Variants in TIAL1 observed in about 807,000 individuals in gnomAD.
TIAL1 encodes nucleolysin TIAR.
Under a neutral mutation model 59.7 loss-of-function variants are expected in TIAL1, and 7 were observed. The observed-to-expected ratio is 0.12, with a 90% confidence interval of 0.07 to 0.22. The LOEUF (loss-of-function observed/expected upper bound fraction) is 0.22. Among genes scored for constraint, TIAL1 ranks in the 10% least tolerant of loss-of-function variants. The probability of loss-of-function intolerance (pLI) is 1.00; values close to 1 mark genes in which losing one functional copy is unlikely to be tolerated. For missense variants in TIAL1, 225 were observed against 462.5 expected (o/e 0.49, Z 4.71); for synonymous variants, 149 against 146.3 (o/e 1.02, Z -0.13).
At chr10:119,580,936 C>A in intron 5 of TIAL1, 1 of 564,268 alleles carries the variant, frequency 1.8e-6, no homozygotes, top group Admixed American at 4.6e-5. Context: ...GATTGAAAAA[C>A]AGCAACCTGT....
intron 2 of TIAL1, 46 bp downstream of exon 2, chr10:119,588,106 A>G: frequency 8.7e-7 from 1 of 1,151,824 alleles, no homozygotes; most frequent in Non-Finnish European, 1.2e-6. Context: ...CATGCTAATC[A>G]ACCCATCATG....
At chr10:119,586,786 CCTCTGCCTCCAGCTCTTACCATAGATA>C (rs993133740) in intron 2 of TIAL1, among the ~76,000 whole-genome samples, 1 of 152,218 alleles carries the variant, frequency 6.6e-6, no homozygotes, top group African/African-American at 2.4e-5. Context: ...TTTGCTGTTT[CCTCTGCCTCCAGCTCTTACCATAGATA>C]GCACCATCTT....
chr10:119,581,718 G>A (rs1845316518), intron 5 of TIAL1: 1 of 445,470 alleles, frequency 2.2e-6, no homozygotes, highest in South Asian at 4.7e-5. Flanking sequence ...AGGATTAGAT[G>A]AAAACGAGAC....
chr10:119,588,219 G>C lies in TIAL1; in HGVS notation c.62C>G (p.Thr21Arg). Residue 21 changes from threonine to arginine, a missense_variant, in exon 2 of 12, where the codon ACA (threonine) becomes AGA (arginine). Physicochemically the swap from Thr to Arg is moderately conservative, Grantham distance 71. Coordinates refer to ENST00000436547, the MANE Select transcript of TIAL1 (RefSeq NM_003252.4). ...LYVGNLSRDVTEVLILQLFSQ... is the reference protein window; with the variant it reads ...LYVGNLSRDVREVLILQLFSQ... The stretch of plus-strand genomic sequence containing the variant: ...GAACAACTGAAGTATAAGGACTTCT[G>C]TCACATCTCTGGAAAGGTTACCTAC... 2 of 1,590,494 alleles carry C rather than the reference G, an allele frequency of 1.3e-6. No homozygotes were observed. The highest frequency in any genetic ancestry group is 8.6e-7 in the Non-Finnish European group (1 of 1,166,618).
In TIAL1 at chr10:119,596,437, G is replaced by A; in HGVS notation, c.29C>T (p.Thr10Ile). MMEDDGQPR[T>I]LYVGNLSRDV... is the part of the protein sequence containing the mutation. The stretch of plus-strand genomic sequence containing the variant: ...ACCCCTCGTCTCGGGTACTCACAGA[G>A]TCCGGGGCTGCCCGTCGTCTTCCAT... The change falls in exon 1 of 12, where the codon ACT (threonine) becomes ATT (isoleucine). Residue 10 changes from threonine to isoleucine, a missense_variant. Thr to Ile is a moderately conservative substitution (Grantham distance 89). Transcript: ENST00000436547. 6.2e-7 allele frequency: 1 copy of A among 1,611,092 alleles called. No individual in the cohort carries two copies. Among genetic ancestry groups the A allele is most frequent in the Non-Finnish European group, 8.5e-7 (1 of 1,179,468 alleles).
At position 119,588,138 on chromosome 10, in the gene TIAL1, T is replaced by C. The variant is rs953454899; in HGVS notation, c.129+14A>G. ...CATGCTAATTGTCAGCACATGGAAC[T>C]GGGAAGATCTTACCTCTGTTATCAT... is the stretch of plus-strand genomic sequence containing the variant. On this transcript the variant is annotated intron_variant, in intron 2 of 11. Coordinates refer to ENST00000436547, the MANE Select transcript of TIAL1 (RefSeq NM_003252.4). 2.0e-6 allele frequency: 3 copies of C among 1,487,554 alleles called. No individual in the cohort carries two copies. The highest frequency in any genetic ancestry group is 2.8e-5 in the African/African-American group (2 of 70,694). The allele number at this position is 1,487,554 out of a possible 1,614,324, so 92.1% of individuals were successfully genotyped here. A position where few individuals can be genotyped will look rare whatever the true frequency, so the allele number is the denominator to read the frequency against.
chr10:119,576,511 C>G, intron 11 of TIAL1, 100 bp downstream of exon 11: 1 of 1,450,772 alleles, frequency 6.9e-7, no homozygotes, highest in South Asian at 1.4e-5. Context: ...CCAAATAGCT[C>G]AATGTATATA....
intron 2 of TIAL1, among the ~76,000 whole-genome samples, chr10:119,586,805 C>A (rs953877559): frequency 2.6e-5 from 4 of 152,190 alleles, no homozygotes; most frequent in African/African-American, 9.7e-5. Context: ...CCAGCTCTTA[C>A]CATAGATAGC....
At position 119,596,404 on chromosome 10, in the gene TIAL1, C is replaced by T. The variant is rs776221491; in HGVS notation, c.32+30G>A. On this transcript the variant is annotated intron_variant, in intron 1 of 11. Transcript: ENST00000436547. The stretch of plus-strand genomic sequence containing the variant: ...GTCCCGCGGTGCCCGGGCCTCTTGG[C>T]GCCTGGCACCCCTCGTCTCGGGTAC... The T allele has an allele frequency of 1.2e-5, 19 of 1,610,720 alleles. No individual in the cohort carries two copies. In the Middle Eastern group the frequency reaches 6.6e-4, roughly 56 times the overall value.
Position 119,577,701 on chromosome 10 carries a change from T to C in TIAL1, c.592A>G (p.Asn198Asp). Residue 198 changes from asparagine to aspartate, a missense_variant, in exon 8 of 12, where the codon AAC becomes GAC. Asn to Asp is a conservative substitution (Grantham distance 23, BLOSUM62 1). Transcript: ENST00000436547. Reference sequence around the variant, plus strand: ...GTACAATTTTTTGGACTTGACTGGTTTACTACATCTTCAAATCTCAACTGC... The same window carrying C: ...GTACAATTTTTTGGACTTGACTGGTCTACTACATCTTCAAATCTCAACTGC... ...TKQLRFEDVV[N>D]QSSPKNCTVY... The C allele has an allele frequency of 6.2e-7, 1 of 1,614,188 alleles. No homozygotes were observed. Among genetic ancestry groups the C allele is most frequent in the Non-Finnish European group, 8.5e-7 (1 of 1,180,012 alleles).
At chr10:119,586,131 A>G (rs531254835) in intron 2 of TIAL1, among the ~76,000 whole-genome samples, 20 of 152,256 alleles carry the variant, frequency 1.3e-4, no homozygotes, top group South Asian at 8.3e-4. Context: ...ACTTTATCCA[A>G]CTGCCTAATC....
At chr10:119,594,278 G>A (rs566050251) in intron 1 of TIAL1, among the ~76,000 whole-genome samples, 4 of 152,156 alleles carry the variant, frequency 2.6e-5, no homozygotes, top group Admixed American at 2.0e-4. Context: ...AAGGAAATAA[G>A]TGACAAAGAA....
At chr10:119,588,913 T>C (rs1845711175) in intron 1 of TIAL1, among the ~76,000 whole-genome samples, 1 of 152,182 alleles carries the variant, frequency 6.6e-6, no homozygotes, top group Admixed American at 6.5e-5. Context: ...AATTTCTAAT[T>C]AAAAATAATT....
rs757164174 is a variant in TIAL1 at position 119,580,057 on chromosome 10, AAAATAAAAAC to A, written c.372-57_372-48del. ...AATGAGGGAAGTAAGAGCCACCCTCAAAATAAAAACTAAAAGGAACCACACACACTGTATT... is the reference window on the plus strand; with the variant it reads ...AATGAGGGAAGTAAGAGCCACCCTCATAAAAGGAACCACACACACTGTATT... On this transcript the variant is annotated intron_variant, in intron 5 of 11. Transcript: ENST00000436547. 4.0e-6 allele frequency: 6 copies of A among 1,511,092 alleles called. No individual in the cohort carries two copies. The Admixed American group carries it at 9.9e-5, about 25-fold the overall frequency. 93.6% of individuals were successfully genotyped at this position (1,511,092 alleles called of 1,614,324 possible).
chr10:119,582,685 C>A lies in TIAL1; in HGVS notation c.130-128G>T. ...GTGAGACTGCATAAGCTTATGAAAG[C>A]CTAACACTTTTTAAATAAGATTTAA... On this transcript the variant is annotated intron_variant, in intron 2 of 11. Coordinates refer to ENST00000436547, the MANE Select transcript of TIAL1 (RefSeq NM_003252.4). This position sits in a 1 kb window ranked among gnomAD's most constrained non-coding sequence, Gnocchi z 5.1. 1 of 1,398,920 alleles carries A rather than the reference C, an allele frequency of 7.1e-7. No individual in the cohort carries two copies. 86.7% of individuals were successfully genotyped at this position (1,398,920 alleles called of 1,614,324 possible).
chr10:119,577,906 A>G (rs567617060), intron 7 of TIAL1, among the ~76,000 whole-genome samples, 170 bp from the exon 8 acceptor site: 1 of 152,258 alleles, frequency 6.6e-6, no homozygotes, highest in East Asian at 1.9e-4. Context: ...CCTGGCCAAC[A>G]TGACGAAATC....
Position 119,582,839 on chromosome 10 carries a change from TAGA to T in TIAL1, c.130-285_130-283del, listed in dbSNP as rs1178271028. Among the ~76,000 whole-genome samples, 1 of 152,110 alleles carries T rather than the reference TAGA, an allele frequency of 6.6e-6. No homozygotes were observed. Among genetic ancestry groups the T allele is most frequent in the Non-Finnish European group, 1.5e-5 (1 of 67,978 alleles). On this transcript the variant is annotated intron_variant, in intron 2 of 11. Transcript: ENST00000436547. The surrounding 1 kb of genome is among the most constrained non-coding windows in gnomAD (Gnocchi z 5.1). The stretch of plus-strand genomic sequence containing the variant: ...CTGGTGAAGTGTGTTAAATATAAAA[TAGA>T]AGATTATATTAAACCAAACAAAACC...
rs374601848 is a variant in TIAL1, at chr10:119,580,028, G to A, written c.372-18C>T. Reference sequence around the variant, plus strand: ...GGGCATCCCTGTGAAAAGAAGCACAGCTAAATGAGGGAAGTAAGAGCCACC... The same window carrying A: ...GGGCATCCCTGTGAAAAGAAGCACAACTAAATGAGGGAAGTAAGAGCCACC... On this transcript the variant is annotated intron_variant, in intron 5 of 11. Transcript: ENST00000436547. 41 of 1,600,244 alleles carry A rather than the reference G, an allele frequency of 2.6e-5. No homozygotes were observed. In the African/African-American group the frequency reaches 5.3e-4, roughly 21 times the overall value.
Position 119,578,699 on chromosome 10 carries a change from T to A in TIAL1, c.556+27A>T. 2.6e-6 allele frequency: 4 copies of A among 1,532,626 alleles called. No homozygotes were observed. In the African/African-American group the frequency reaches 4.1e-5, roughly 16 times the overall value. The allele number at this position is 1,532,626 out of a possible 1,614,324, so 94.9% of individuals were successfully genotyped here. On this transcript the variant is annotated intron_variant, in intron 7 of 11. Transcript: ENST00000436547. ...ACATGATTTTGTGAAGAATATAATT[T>A]TAACACACACAGTGGACATATCTTA...
Sources: allele counts gnomAD v4.1 joint callset (sites outside exome capture counted in the v4.1 genomes callset), GRCh38; gene constraint gnomAD v4.1.1; non-coding constraint Gnocchi (gnomAD v3.1); transcripts MANE v1.5; gene names NCBI Gene and HGNC (gene_info 2026-07-23, HGNC 2026-07-21).